EYS: variants seen among roughly 807,000 people sequenced by gnomAD.
The protein encoded by EYS is EGF-like photoreceptor maintenance factor.
EYS carries 250 observed loss-of-function variants against 282.1 expected under a neutral mutation model. The observed-to-expected ratio is 0.89, with a 90% confidence interval of 0.80 to 0.98. EYS has a LOEUF of 0.98. EYS is among the 50% of genes least tolerant of loss of function. EYS has a pLI of 0.00. For missense variants in EYS, 4,016 were observed against 3,709.0 expected, an observed-to-expected ratio of 1.08 and a Z score of -2.15; for synonymous variants, 1,355 against 1,282.9, an observed-to-expected ratio of 1.06 and a Z score of -1.20.
intron 19 of EYS, among the ~76,000 whole-genome samples, chr6:64,864,834 G>T (rs1766371404): frequency 6.6e-6 from 1 of 151,694 alleles, no homozygotes; most frequent in South Asian, 2.1e-4. Context: ...TCAGGAGTTT[G>T]AGACCAGCCT....
At chr6:64,465,640 A>G (rs901035686) in intron 26 of EYS, among the ~76,000 whole-genome samples, 5 of 152,118 alleles carry the variant, frequency 3.3e-5, no homozygotes, top group African/African-American at 7.2e-5. Flanking sequence ...AAACTGTAAA[A>G]TTAGTTGAAG....
At chr6:65,173,184 A>G (rs1182174784) in intron 12 of EYS, among the ~76,000 whole-genome samples, 1 of 151,368 alleles carries the variant, frequency 6.6e-6, no homozygotes, top group Non-Finnish European at 1.5e-5. Flanking sequence ...TGGTGCTGTG[A>G]TAGCCTTACA....
intron 1 of EYS, among the ~76,000 whole-genome samples, chr6:65,653,862 T>C (rs1033463474): frequency 3.3e-5 from 5 of 151,918 alleles, no homozygotes; most frequent in African/African-American, 9.7e-5. Context: ...TCACATCCTT[T>C]GTGTCATCTA....
At chr6:63,856,784 A>G (rs1487393779) in intron 36 of EYS, among the ~76,000 whole-genome samples, 1 of 152,156 alleles carries the variant, frequency 6.6e-6, no homozygotes. Context: ...ACACAGTTTC[A>G]CTGGATTGCA....
At chr6:64,643,121 C>CAA (rs1057313960) in intron 22 of EYS, among the ~76,000 whole-genome samples, 15 of 74,736 alleles carry the variant, frequency 2.0e-4, no homozygotes, top group South Asian at 8.7e-4. Context: ...ATCCCCCCCC[C>CAA]CAAAAAAAAA....
chr6:65,703,966 G>A (rs965142873), intron 1 of EYS, among the ~76,000 whole-genome samples: 7 of 152,064 alleles, frequency 4.6e-5, no homozygotes, highest in Non-Finnish European at 7.4e-5. Context: ...TCTGGAGAAC[G>A]ACTGAGCGAA....
chr6:65,067,768 C>T (rs1024660147), intron 12 of EYS, among the ~76,000 whole-genome samples: 1 of 152,084 alleles, frequency 6.6e-6, no homozygotes, highest in Admixed American at 6.6e-5. Context: ...TGAGAAGACC[C>T]TCCTACCAAA....
At chr6:64,540,635 G>A (rs992570410) in intron 26 of EYS, among the ~76,000 whole-genome samples, 10 of 151,664 alleles carry the variant, frequency 6.6e-5, no homozygotes, top group African/African-American at 2.4e-4. Context: ...GGCATGCACC[G>A]CCACACCCAG....
intron 22 of EYS, among the ~76,000 whole-genome samples, chr6:64,756,031 C>T (rs1583119315): frequency 6.6e-6 from 1 of 152,084 alleles, no homozygotes; most frequent in East Asian, 1.9e-4. Context: ...ATTTGAAATT[C>T]TTCTCTAGCA....
At chr6:64,703,674 T>G (rs1770875653) in intron 22 of EYS, among the ~76,000 whole-genome samples, 1 of 151,872 alleles carries the variant, frequency 6.6e-6, no homozygotes, top group Admixed American at 6.6e-5. Context: ...GAGGGAATTT[T>G]CAGTGTCAAA....
At chr6:64,026,862 C>T (rs920235650) in intron 33 of EYS, among the ~76,000 whole-genome samples, 1 of 152,146 alleles carries the variant, frequency 6.6e-6, no homozygotes, top group African/African-American at 2.4e-5. Flanking sequence ...GGGTACATGT[C>T]CCCTTCTCCC....
chr6:64,973,725 TGTAAACTGCA>T (rs1770376976), intron 14 of EYS, among the ~76,000 whole-genome samples: 1 of 151,976 alleles, frequency 6.6e-6, no homozygotes. Flanking sequence ...AGACTCAAAG[TGTAAACTGCA>T]GTATAATTGT....
intron 13 of EYS, among the ~76,000 whole-genome samples, chr6:65,011,659 T>G (rs1771873283): frequency 6.6e-6 from 1 of 152,206 alleles, no homozygotes; most frequent in South Asian, 2.1e-4. Flanking sequence ...CAGAACTAGC[T>G]GGATTTCCTA....
intron 19 of EYS, among the ~76,000 whole-genome samples, chr6:64,844,695 A>G (rs1347279668): frequency 1.3e-5 from 2 of 152,162 alleles, no homozygotes; most frequent in African/African-American, 4.8e-5. Flanking sequence ...ACTCAAATTA[A>G]TAGTGGAAAT....
At chr6:64,329,095 T>C (rs138317849) in intron 29 of EYS, among the ~76,000 whole-genome samples, 86 of 152,260 alleles carry the variant, frequency 5.6e-4, no homozygotes, top group African/African-American at 1.8e-3. Context: ...TCCATTTCAT[T>C]AGGCCCCGAG....
chr6:65,560,395 A>T (rs1769006161), intron 2 of EYS, among the ~76,000 whole-genome samples: 1 of 147,536 alleles, frequency 6.8e-6, no homozygotes, highest in South Asian at 2.1e-4. Context: ...TGTATATAAT[A>T]TATAACATAA....
chr6:64,519,203 T>C (rs1274815061), intron 26 of EYS, among the ~76,000 whole-genome samples: 1 of 151,612 alleles, frequency 6.6e-6, no homozygotes, highest in Admixed American at 6.6e-5. Flanking sequence ...AAAGAGTGGC[T>C]CACCTTTAGA....
intron 12 of EYS, among the ~76,000 whole-genome samples, chr6:65,070,194 G>A (rs1434340994): frequency 1.3e-5 from 2 of 151,820 alleles, no homozygotes; most frequent in Non-Finnish European, 1.5e-5. Context: ...TTCCTGCTTT[G>A]GGTCTTATCT....
chr6:65,046,859 A>G (rs1396209427), intron 13 of EYS, among the ~76,000 whole-genome samples: 2 of 152,036 alleles, frequency 1.3e-5, no homozygotes, highest in South Asian at 4.1e-4. Context: ...CAGATGCCCC[A>G]TAAATGGCTT....
Sources: gnomAD v4.1 joint callset for allele counts (sites outside exome capture counted in the v4.1 genomes callset) on GRCh38, gnomAD v4.1.1 for gene constraint, MANE v1.5 for transcripts, NCBI Gene and HGNC (gene_info 2026-07-23, HGNC 2026-07-21) for gene names.